Variants in CDH13 observed in about 807,000 individuals in gnomAD.
The protein encoded by CDH13 is cadherin-13.
Under a neutral mutation model 63.8 loss-of-function variants are expected in CDH13, and 24 were observed. The observed-to-expected ratio is 0.38, with a 90% CI of 0.27 to 0.53. The LOEUF (loss-of-function observed/expected upper bound fraction) is 0.53. Among genes scored for constraint, CDH13 ranks in the 20% least tolerant of loss-of-function variants. The probability of loss-of-function intolerance (pLI) is 0.85; values close to 1 mark genes in which losing one functional copy is unlikely to be tolerated. For missense variants in CDH13, 1,049 were observed against 903.1 expected, an observed-to-expected ratio of 1.16 and a Z score of -2.07; for synonymous variants, 503 against 355.3, an observed-to-expected ratio of 1.42 and a Z score of -4.67.
At chr16:83,690,711 C>G (rs1187008812) in intron 10 of CDH13, among the ~76,000 whole-genome samples, 3 of 152,022 alleles carry the variant, frequency 2.0e-5, no homozygotes, top group Non-Finnish European at 4.4e-5. Flanking sequence ...GCTGCAGACA[C>G]TGAATTTGTT....
intron 2 of CDH13, among the ~76,000 whole-genome samples, chr16:83,003,180 C>T (rs1315221507): frequency 6.6e-6 from 1 of 152,118 alleles, no homozygotes; most frequent in African/African-American, 2.4e-5. Context: ...TCCCATATGA[C>T]AGTCTTGATA....
In CDH13 at chr16:83,678,395, C is replaced by T. The variant is rs1436460692; in HGVS notation, c.1472C>T (p.Ser491Phe). Reference sequence around the variant, plus strand: ...ATGGTGACCAGGCAGGAGGACCTCTCTGTGGGCAGCGTGCTGCTGACAGTG... The same window carrying T: ...ATGGTGACCAGGCAGGAGGACCTCTTTGTGGGCAGCGTGCTGCTGACAGTG... ...PMMVTRQEDL[S>F]VGSVLLTVNA... Residue 491 changes from serine (S) to phenylalanine (F), a missense_variant, in exon 10 of 14, where the codon TCT (serine) becomes TTT (phenylalanine). Ser to Phe is a radical substitution (Grantham distance 155). Coordinates refer to ENST00000567109, the MANE Select transcript of CDH13 (RefSeq NM_001257.5). 6.2e-7 allele frequency: 1 copy of T among 1,614,030 alleles called. No homozygotes were observed. Among genetic ancestry groups the T allele is most frequent in the Admixed American group, 1.7e-5 (1 of 60,028 alleles).
chr16:83,438,752 G>C (rs1198659626), intron 6 of CDH13, among the ~76,000 whole-genome samples: 1 of 152,190 alleles, frequency 6.6e-6, no homozygotes, highest in African/African-American at 2.4e-5. Context: ...CAGAATGGTT[G>C]TCTGACAATA....
In CDH13 at chr16:83,353,480, G is replaced by T. The variant is rs376827389; in HGVS notation, c.781+8474G>T. Among the ~76,000 whole-genome samples the T allele has an allele frequency of 3.3e-5, 5 of 152,366 alleles. No individual in the cohort carries two copies. In the East Asian group the frequency reaches 9.7e-4, roughly 29 times the overall value. ...AGCTGGATACCAAAGCATCTGCTGG[G>T]ACAGGAGAGAATGCCTGAACCCCTT... On this transcript the variant is annotated intron_variant, in intron 6 of 13. Coordinates refer to ENST00000567109, the MANE Select transcript of CDH13 (RefSeq NM_001257.5).
chr16:82,848,765 C>T (rs962154554), intron 1 of CDH13, among the ~76,000 whole-genome samples: 3 of 152,194 alleles, frequency 2.0e-5, no homozygotes, highest in South Asian at 2.1e-4. Context: ...CAATAAAGTA[C>T]TTTCTTTGCC....
chr16:83,018,775 A>C (rs1315828473), intron 2 of CDH13, among the ~76,000 whole-genome samples: 1 of 152,238 alleles, frequency 6.6e-6, no homozygotes, highest in Non-Finnish European at 1.5e-5. Flanking sequence ...CTACTAACAT[A>C]TATAGCACGG....
At position 83,616,127 on chromosome 16, in the gene CDH13, A is replaced by G. The variant is rs188750849; in HGVS notation, c.1101+13533A>G. 2.5e-3 allele frequency among the ~76,000 whole-genome samples: 380 copies of G among 152,340 alleles called. 1 individual carries two copies. The highest frequency in any genetic ancestry group is 8.7e-3 in the African/African-American group (362 of 41,574). ...AAGCAGTACAGTTCCAACTAAGGAAAAGGGTGGTATGTGCATTCCTGGATT... is the reference window on the plus strand; with the variant it reads ...AAGCAGTACAGTTCCAACTAAGGAAGAGGGTGGTATGTGCATTCCTGGATT... On this transcript the variant is annotated intron_variant, in intron 8 of 13. Coordinates refer to ENST00000567109, the MANE Select transcript of CDH13 (RefSeq NM_001257.5).
At chr16:82,645,389 T>C (rs942994147) in intron 1 of CDH13, among the ~76,000 whole-genome samples, 1 of 152,190 alleles carries the variant, frequency 6.6e-6, no homozygotes, top group African/African-American at 2.4e-5. Context: ...TTCTGAAGTG[T>C]AGTCTAAACC....
At chr16:82,642,154 G>T (rs538106620) in intron 1 of CDH13, among the ~76,000 whole-genome samples, 8 of 150,216 alleles carry the variant, frequency 5.3e-5, no homozygotes, top group Non-Finnish European at 8.8e-5. Flanking sequence ...GGGGCCCACT[G>T]CAGCCTAACA....
At chr16:83,729,457 G>A (rs1033820864) in intron 10 of CDH13, among the ~76,000 whole-genome samples, 2 of 152,138 alleles carry the variant, frequency 1.3e-5, no homozygotes, top group African/African-American at 4.8e-5. Context: ...TAGCAACTGA[G>A]ATAGGCAAAA....
intron 5 of CDH13, among the ~76,000 whole-genome samples, chr16:83,234,193 C>T (rs1001314652): frequency 6.6e-6 from 1 of 152,222 alleles, no homozygotes; most frequent in Non-Finnish European, 1.5e-5. Flanking sequence ...GGTTTTCTTT[C>T]CAGAGTGGGA....
At chr16:83,224,602 C>A (rs1262284125) in intron 5 of CDH13, among the ~76,000 whole-genome samples, 4 of 152,192 alleles carry the variant, frequency 2.6e-5, no homozygotes, top group Non-Finnish European at 4.4e-5. Context: ...GGCTTTGGAG[C>A]CAGACCTACG....
At chr16:82,786,465 C>A (rs1165251144) in intron 1 of CDH13, among the ~76,000 whole-genome samples, 1 of 131,908 alleles carries the variant, frequency 7.6e-6, no homozygotes, top group African/African-American at 2.8e-5. Flanking sequence ...TCCATAGTCT[C>A]ATCTATGCCT....
At chr16:82,643,389 C>T (rs1373327917) in intron 1 of CDH13, among the ~76,000 whole-genome samples, 1 of 152,134 alleles carries the variant, frequency 6.6e-6, no homozygotes, top group Non-Finnish European at 1.5e-5. Flanking sequence ...CAAAAGATCC[C>T]CATTGTCCAC....
chr16:83,031,195 A>G (rs1305902035), intron 2 of CDH13, among the ~76,000 whole-genome samples: 1 of 148,104 alleles, frequency 6.8e-6, no homozygotes, highest in Non-Finnish European at 1.5e-5. Context: ...TACACCATAT[A>G]CATGCGCATG....
chr16:83,197,283 A>G (rs13334264), intron 4 of CDH13, among the ~76,000 whole-genome samples: 12,802 of 151,990 alleles, frequency 0.084, 617 homozygotes, highest in Middle Eastern at 0.17. Flanking sequence ...ATATATATAT[A>G]TATATATGCA....
intron 6 of CDH13, among the ~76,000 whole-genome samples, chr16:83,470,836 G>A (rs2073434562): frequency 6.6e-6 from 1 of 152,156 alleles, no homozygotes; most frequent in African/African-American, 2.4e-5. Flanking sequence ...TTTAAAATGT[G>A]CAAATTTATC....
chr16:82,791,434 G>A (rs991185472), intron 1 of CDH13, among the ~76,000 whole-genome samples: 5 of 152,126 alleles, frequency 3.3e-5, no homozygotes, highest in African/African-American at 4.8e-5. Context: ...CAGGGGGAGC[G>A]ACAATGATCG....
At chr16:83,066,165 A>G (rs534015232) in intron 3 of CDH13, among the ~76,000 whole-genome samples, 2 of 152,358 alleles carry the variant, frequency 1.3e-5, no homozygotes, top group South Asian at 2.1e-4. Context: ...GCACCTGTCT[A>G]TAATTTGTAA....
Sources: allele counts gnomAD v4.1 joint callset (sites outside exome capture counted in the v4.1 genomes callset), GRCh38; gene constraint gnomAD v4.1.1; transcripts MANE v1.5; gene names NCBI Gene and HGNC (gene_info 2026-07-23, HGNC 2026-07-21).